Variants in ARK2N observed in about 807,000 individuals in gnomAD.
ARK2N encodes arkadia (RNF111) N-terminal like PKA signaling regulator 2N, also known as protein ARK2N.
At chr18:46,174,640 G>T in the ARK2N span, among the ~76,000 whole-genome samples, 27 of 152,324 alleles carry the variant, frequency 1.8e-4, no homozygotes, top group African/African-American at 6.3e-4. Context: ...CGCTGGGGCC[G>T]GGTTGAGGCG....
chr18:46,201,722 G>A, the ARK2N span, among the ~76,000 whole-genome samples: 6 of 150,958 alleles, frequency 4.0e-5, no homozygotes, highest in African/African-American at 1.5e-4. Flanking sequence ...ATAAGCTACT[G>A]TGAGAGTCCC....
chr18:46,177,431 CTTTT>C, the ARK2N span, among the ~76,000 whole-genome samples: 5 of 89,322 alleles, frequency 5.6e-5, no homozygotes, highest in African/African-American at 1.6e-4. Flanking sequence ...TTTTTCTTTA[CTTTT>C]TTTTTTTTTT....
chr18:46,177,920 A>G, the ARK2N span, among the ~76,000 whole-genome samples: 1 of 152,160 alleles, frequency 6.6e-6, no homozygotes, highest in African/African-American at 2.4e-5. Context: ...AATAATTCAT[A>G]TGGAGAGTCT....
At chr18:46,231,691 G>A in the ARK2N span, 1 of 149,754 alleles carries the variant, frequency 6.7e-6, no homozygotes. Context: ...AACAGCAAGA[G>A]TCTCTGGGTC....
At chr18:46,232,282 A>C in the ARK2N span, 2 of 152,174 alleles carry the variant, frequency 1.3e-5, no homozygotes, top group Non-Finnish European at 2.9e-5. Context: ...ATTATGGGCA[A>C]GTTATCTTAC....
the ARK2N span, among the ~76,000 whole-genome samples, chr18:46,196,206 C>T: frequency 6.6e-6 from 1 of 151,756 alleles, no homozygotes; most frequent in African/African-American, 2.4e-5. Context: ...TCTTGAACTC[C>T]GGACCTCAGG....
At chr18:46,246,959 T>A in the ARK2N span, among the ~76,000 whole-genome samples, 65 of 143,632 alleles carry the variant, frequency 4.5e-4, no homozygotes, top group East Asian at 0.011. Flanking sequence ...AAAAAAAAAA[T>A]AGCAGACCCC....
At chr18:46,186,498 ATTTTTTTTTTTT>A in the ARK2N span, among the ~76,000 whole-genome samples, 8 of 81,860 alleles carry the variant, frequency 9.8e-5, no homozygotes, top group African/African-American at 2.3e-4. Flanking sequence ...CCAACTGGTG[ATTTTTTTTTTTT>A]TTTTTTTTTT....
the ARK2N span, chr18:46,253,704 G>A: frequency 7.4e-6 from 12 of 1,611,276 alleles, no homozygotes; most frequent in Non-Finnish European, 1.0e-5. Flanking sequence ...CAGGTCATTT[G>A]GATCCAGGAT....
the ARK2N span, among the ~76,000 whole-genome samples, chr18:46,179,191 C>A: frequency 6.6e-6 from 1 of 152,096 alleles, no homozygotes; most frequent in Admixed American, 6.6e-5. Flanking sequence ...TGATCGCCCA[C>A]CTTGGCCTCC....
the ARK2N span, among the ~76,000 whole-genome samples, chr18:46,192,463 GCTA>G: frequency 1.6e-3 from 251 of 152,214 alleles, no homozygotes; most frequent in African/African-American, 5.9e-3. Context: ...TGTAATCCCA[GCTA>G]CTCAGGAGGC....
the ARK2N span, among the ~76,000 whole-genome samples, chr18:46,184,769 T>C: frequency 6.6e-6 from 1 of 152,198 alleles, no homozygotes; most frequent in African/African-American, 2.4e-5. Flanking sequence ...ATGAGTATTA[T>C]GAATGCAATG....
chr18:46,182,708 T>G, the ARK2N span, among the ~76,000 whole-genome samples: 1 of 148,440 alleles, frequency 6.7e-6, no homozygotes, highest in Non-Finnish European at 1.5e-5. Flanking sequence ...TTTTTTTGCA[T>G]TTGATAACTT....
chr18:46,186,079 T>C, the ARK2N span, among the ~76,000 whole-genome samples: 1 of 152,168 alleles, frequency 6.6e-6, no homozygotes, highest in African/African-American at 2.4e-5. Flanking sequence ...TTGAAGTGTT[T>C]AGGTATAGAA....
chr18:46,242,532 T>C, the ARK2N span, among the ~76,000 whole-genome samples: 1 of 152,220 alleles, frequency 6.6e-6, no homozygotes, highest in Non-Finnish European at 1.5e-5. Context: ...GGTAAAAGTA[T>C]GTGAGGAGGA....
At chr18:46,195,025 C>T in the ARK2N span, among the ~76,000 whole-genome samples, 5 of 151,252 alleles carry the variant, frequency 3.3e-5, no homozygotes, top group African/African-American at 1.2e-4. Context: ...TGGTCTCGAA[C>T]TCCTGGCCTC....
the ARK2N span, among the ~76,000 whole-genome samples, chr18:46,186,584 A>C: frequency 3.5e-5 from 5 of 144,574 alleles, no homozygotes; most frequent in African/African-American, 1.3e-4. Flanking sequence ...GGCTCACTAC[A>C]AGCTCCACCT....
At chr18:46,243,200 C>CT in the ARK2N span, among the ~76,000 whole-genome samples, 1 of 152,114 alleles carries the variant, frequency 6.6e-6, no homozygotes, top group African/African-American at 2.4e-5. Flanking sequence ...TCTGAATGTG[C>CT]TTACAGTGTC....
chr18:46,235,602 G>A, the ARK2N span, among the ~76,000 whole-genome samples: 1 of 152,208 alleles, frequency 6.6e-6, no homozygotes, highest in Non-Finnish European at 1.5e-5. Context: ...GAGTAGGCAA[G>A]GCTTTAACTT....
Sources: allele counts gnomAD v4.1 joint callset (sites outside exome capture counted in the v4.1 genomes callset), GRCh38; gene constraint gnomAD v4.1.1; transcripts MANE v1.5; gene names NCBI Gene and HGNC (gene_info 2026-07-23, HGNC 2026-07-21).